The following KIF25 variants were observed in gnomAD, a reference collection of about 807,000 sequenced individuals.
The protein encoded by KIF25 is kinesin-like protein KIF25.
In KIF25, 19 loss-of-function variants were observed where a neutral mutation model predicts 32.9. That is an observed-to-expected ratio of 0.58 (90% CI 0.40 to 0.85). The LOEUF (loss-of-function observed/expected upper bound fraction) is 0.85, where lower values mean the gene tolerates loss of function less well. KIF25 is among the 40% of genes least tolerant of loss of function. The probability of loss-of-function intolerance (pLI) is 0.00; values close to 1 mark genes in which losing one functional copy is unlikely to be tolerated. For synonymous variants in KIF25, 225 were observed against 213.7 expected, an observed-to-expected ratio of 1.05 and a Z score of -0.46; for missense variants, 485 against 507.0, an observed-to-expected ratio of 0.96 and a Z score of 0.42.
At chr6:168,008,820 A>C (rs1042053081) in intron 4 of KIF25, among the ~76,000 whole-genome samples, 3 of 151,934 alleles carry the variant, frequency 2.0e-5, no homozygotes, top group African/African-American at 7.3e-5. Context: ...AGGTATTTTA[A>C]ATTTTTTGCA....
chr6:168,035,774 G>C (rs769071961), intron 8 of KIF25: 1 of 456,154 alleles, frequency 2.2e-6, no homozygotes, highest in South Asian at 1.5e-5. Context: ...GAATCCCTCA[G>C]TCAGAGTCTC....
At chr6:168,033,794 G>GC in intron 7 of KIF25, 88 bp from the exon 8 acceptor site, 1 of 1,356,220 alleles carries the variant, frequency 7.4e-7, no homozygotes, top group Non-Finnish European at 1.0e-6. Flanking sequence ...GAAATGTATT[G>GC]AAGTTTCTCA....
Position 168,040,120 on chromosome 6 carries a change from A to G in KIF25, c.550A>G (p.Arg184Gly). 3 of 1,614,110 alleles carry G rather than the reference A, an allele frequency of 1.9e-6. No individual in the cohort carries two copies. Among genetic ancestry groups the G allele is most frequent in the Non-Finnish European group, 1.7e-6 (2 of 1,180,022 alleles). The part of the protein sequence containing the change: ...MELVHGGLQL[R>G]AKHPTLVHAD... ...GCTCGTTCATGGAGGTCTGCAGCTC[A>G]GGGCGAAGCACCCCACCCTGGTGCA... is the stretch of plus-strand genomic sequence containing the variant. Residue 184 changes from arginine to glycine, a missense_variant, in exon 10 of 13, where the codon AGG becomes GGG. Around this residue, in one of 2 missense-constraint regions of KIF25, gnomAD observed 480 missense variants for 470.3 expected, o/e 1.02. Coordinates refer to ENST00000643607, the MANE Select transcript of KIF25 (RefSeq NM_030615.4).
chr6:168,029,935 A>C (rs1798918005), intron 6 of KIF25, among the ~76,000 whole-genome samples: 1 of 152,096 alleles, frequency 6.6e-6, no homozygotes. Flanking sequence ...GGATCAACTG[A>C]GCGTCAGGAC....
intron 11 of KIF25, 124 bp from the exon 12 acceptor site, chr6:168,042,437 T>G (rs746354975): frequency 8.0e-7 from 1 of 1,245,182 alleles, no homozygotes; most frequent in Non-Finnish European, 1.1e-6. Context: ...CTCACTCTCA[T>G]GCCTGTCCCG....
chr6:168,038,911 A>G (rs1182896691), intron 9 of KIF25, among the ~76,000 whole-genome samples, 182 bp downstream of exon 9: 6 of 152,122 alleles, frequency 3.9e-5, no homozygotes, highest in African/African-American at 1.4e-4. Context: ...GTGTGTTTTC[A>G]TGCTTCGTAT....
In KIF25 at chr6:168,009,233, G is replaced by T. The variant is rs74923911; in HGVS notation, c.-163+5530G>T. ...ATATTGTCTTTATTATATTGAGGTT[G>T]TTTTTTTCTATACCTAATTTATTAA... On this transcript the variant is annotated intron_variant, in intron 4 of 12. Transcript: ENST00000643607. Among the ~76,000 whole-genome samples the T allele has an allele frequency of 3.4e-3, 499 of 146,094 alleles. 3 individuals carry two copies. The highest frequency in any genetic ancestry group is 0.012 in the African/African-American group (475 of 41,102).
intron 2 of KIF25, among the ~76,000 whole-genome samples, chr6:167,999,678 G>A (rs1052566343): frequency 5.9e-5 from 9 of 152,146 alleles, no homozygotes; most frequent in African/African-American, 2.2e-4. Flanking sequence ...CAAAAAGGGA[G>A]CACCCTGCCT....
At chr6:168,026,075 CTAGT>C (rs1297632470) in intron 5 of KIF25, among the ~76,000 whole-genome samples, 2 of 152,216 alleles carry the variant, frequency 1.3e-5, no homozygotes, top group Non-Finnish European at 2.9e-5. Context: ...ACCGCCCAGT[CTAGT>C]TAAACGATGG....
intron 4 of KIF25, among the ~76,000 whole-genome samples, chr6:168,009,180 G>A (rs2114871818): frequency 6.6e-6 from 1 of 151,944 alleles, no homozygotes; most frequent in East Asian, 1.9e-4. Flanking sequence ...GCTGAAAGAT[G>A]TTAGGATGTT....
At chr6:168,038,470 G>C (rs1799062300) in intron 8 of KIF25, 83 bp from the exon 9 acceptor site, 7 of 1,392,650 alleles carry the variant, frequency 5.0e-6, no homozygotes, top group Non-Finnish European at 7.0e-6. Context: ...GCATCCTGTA[G>C]GGCGTCTGGG....
intron 5 of KIF25, among the ~76,000 whole-genome samples, chr6:168,025,774 G>C (rs1338706639): frequency 1.3e-5 from 2 of 152,234 alleles, no homozygotes; most frequent in Non-Finnish European, 2.9e-5. Context: ...ATAAAGTAGG[G>C]TCGGATTAGG....
chr6:168,000,783 T>C (rs182129521), intron 2 of KIF25, among the ~76,000 whole-genome samples: 1 of 150,374 alleles, frequency 6.7e-6, no homozygotes, highest in African/African-American at 2.5e-5. Context: ...ACCAGTTTGC[T>C]AGGGGCACTG....
Position 168,029,235 on chromosome 6 carries a change from T to C in KIF25, c.-94-257T>C, listed in dbSNP as rs781138582. Among the ~76,000 whole-genome samples, 76 of 152,198 alleles carry C rather than the reference T, an allele frequency of 5.0e-4. 1 individual carries two copies. The highest frequency in any genetic ancestry group is 3.3e-3 in the Admixed American group (51 of 15,276). On this transcript the variant is annotated intron_variant, in intron 5 of 12. Transcript: ENST00000643607. ...TAAGATGTACACAAAACCTAAAATA[T>C]TTACGATCTAGTTTTTTCAGAAATA...
At chr6:168,039,978 G>C in intron 9 of KIF25, 87 bp from the exon 10 acceptor site, 1 of 1,461,816 alleles carries the variant, frequency 6.8e-7, no homozygotes, top group Non-Finnish European at 9.1e-7. Flanking sequence ...CATGTGAGAG[G>C]CTTCCCTGAG....
intron 4 of KIF25, among the ~76,000 whole-genome samples, chr6:168,015,863 A>G (rs964197497): frequency 6.6e-6 from 1 of 152,174 alleles, no homozygotes; most frequent in Non-Finnish European, 1.5e-5. Flanking sequence ...GCTTGTTTTT[A>G]TGGCTTTGCA....
intron 4 of KIF25, among the ~76,000 whole-genome samples, chr6:168,009,610 C>G (rs566949259): frequency 5.7e-4 from 86 of 152,192 alleles, no homozygotes; most frequent in Non-Finnish European, 9.1e-4. Flanking sequence ...AGAATTCCCC[C>G]TGCTTCAGTT....
intron 5 of KIF25, among the ~76,000 whole-genome samples, chr6:168,020,094 G>A (rs1245717288): frequency 6.6e-6 from 1 of 151,858 alleles, no homozygotes; most frequent in Admixed American, 6.6e-5. Context: ...TTGTGCCACT[G>A]CACTCCAGCC....
intron 5 of KIF25, among the ~76,000 whole-genome samples, chr6:168,025,699 C>A (rs559415350): frequency 6.6e-6 from 1 of 152,284 alleles, no homozygotes; most frequent in Non-Finnish European, 1.5e-5. Context: ...ATGCACCCTT[C>A]GGTTAAAGTG....
Sources: gnomAD v4.1 joint callset for allele counts (sites outside exome capture counted in the v4.1 genomes callset) on GRCh38, gnomAD v4.1.1 for gene constraint, gnomAD v4.1.1 regional missense constraint, MANE v1.5 for transcripts, NCBI Gene and HGNC (gene_info 2026-07-23, HGNC 2026-07-21) for gene names.